PTH2R: variants seen among roughly 807,000 people sequenced by gnomAD.
The protein encoded by PTH2R is parathyroid hormone 2 receptor.
A neutral mutation model predicts 60.3 loss-of-function variants in PTH2R; 59 were observed. The ratio of observed to expected loss-of-function variants is 0.98; its 90% confidence interval spans 0.79 to 1.22. The LOEUF is 1.22. Ranked by LOEUF, PTH2R falls within the 50% of genes most tolerant of loss-of-function variation. The pLI, the probability that PTH2R is intolerant of heterozygous loss-of-function variation, is 0.00. For synonymous variants in PTH2R, 256 were observed against 243.8 expected (o/e 1.05, Z -0.47); for missense variants, 749 against 682.6 (o/e 1.10, Z -1.08).
chr2:208,447,037 G>T (rs1702300347), intron 7 of PTH2R, among the ~76,000 whole-genome samples: 1 of 152,128 alleles, frequency 6.6e-6, no homozygotes, highest in Non-Finnish European at 1.5e-5. Context: ...TTTTCAGCTA[G>T]ATAAATACTC....
chr2:208,492,902 G>A (rs564556619), intron 12 of PTH2R, among the ~76,000 whole-genome samples: 22 of 152,264 alleles, frequency 1.4e-4, no homozygotes, highest in Admixed American at 1.2e-3. Flanking sequence ...TGCCACGCGA[G>A]AGTTCTGAAG....
At chr2:208,426,881 C>G (rs1183278080) in intron 1 of PTH2R, among the ~76,000 whole-genome samples, 1 of 152,136 alleles carries the variant, frequency 6.6e-6, no homozygotes. Flanking sequence ...GACTAAAGAT[C>G]AATTTAACAG....
chr2:208,374,399 T>C (rs1700756141), intron 1 of PTH2R, among the ~76,000 whole-genome samples: 1 of 152,158 alleles, frequency 6.6e-6, no homozygotes, highest in African/African-American at 2.4e-5. Context: ...CAGTCTGCCT[T>C]CTGCTCCTCA....
At chr2:208,478,030 C>A (rs1353052851) in intron 9 of PTH2R, among the ~76,000 whole-genome samples, 1 of 150,314 alleles carries the variant, frequency 6.7e-6, no homozygotes, top group East Asian at 1.9e-4. Context: ...CCAGAAACTT[C>A]CTCTTTGTCT....
intron 2 of PTH2R, among the ~76,000 whole-genome samples, chr2:208,435,966 T>C (rs866946434): frequency 6.6e-6 from 1 of 152,224 alleles, no homozygotes; most frequent in Non-Finnish European, 1.5e-5. Flanking sequence ...GCTGTCTTCT[T>C]GGAAGTTCAG....
intron 1 of PTH2R, among the ~76,000 whole-genome samples, chr2:208,380,452 C>T (rs540591193): frequency 2.0e-5 from 3 of 152,150 alleles, no homozygotes; most frequent in Admixed American, 1.3e-4. Context: ...GAGAAAAATA[C>T]TCCATATTTT....
intron 9 of PTH2R, among the ~76,000 whole-genome samples, chr2:208,480,646 C>A (rs1318386909): frequency 6.6e-6 from 1 of 152,178 alleles, no homozygotes; most frequent in Non-Finnish European, 1.5e-5. Flanking sequence ...CAATACTTTT[C>A]ATACATCATA....
chr2:208,490,366 A>T (rs973124669), intron 11 of PTH2R, among the ~76,000 whole-genome samples: 1 of 152,188 alleles, frequency 6.6e-6, no homozygotes, highest in African/African-American at 2.4e-5. Context: ...GGGTCACAAC[A>T]TAAATGAAAC....
intron 1 of PTH2R, among the ~76,000 whole-genome samples, chr2:208,399,717 A>G (rs748417674): frequency 1.6e-4 from 24 of 152,022 alleles, no homozygotes; most frequent in Non-Finnish European, 3.2e-4. Flanking sequence ...GTTGAATTTA[A>G]TCTGTATCCT....
intron 5 of PTH2R, 44 bp downstream of exon 5, chr2:208,442,505 T>G: frequency 7.0e-7 from 1 of 1,429,424 alleles, no homozygotes; most frequent in Non-Finnish European, 9.9e-7. Flanking sequence ...GCACATTGTC[T>G]TTCCTATCCA....
chr2:208,359,721 G>C (rs1229213372), exon 1 of PTH2R: 2 of 152,726 alleles, frequency 1.3e-5, no homozygotes, highest in African/African-American at 4.8e-5. Context: ...TCCGTGCTCC[G>C]AGGGACCACA....
Position 208,476,674 on chromosome 2 carries a change from A to G in PTH2R, c.982-4396A>G, listed in dbSNP as rs142943930. Reference sequence around the variant, plus strand: ...AAGCCAATACATGGGGTGAGCAGATATGATGTATTTAGAGTGTCTCTGAGG... The same window carrying G: ...AAGCCAATACATGGGGTGAGCAGATGTGATGTATTTAGAGTGTCTCTGAGG... On this transcript the variant is annotated intron_variant, in intron 9 of 12. Coordinates refer to ENST00000272847, the MANE Select transcript of PTH2R (RefSeq NM_005048.4). Among the ~76,000 whole-genome samples, 237 of 152,338 alleles carry G rather than the reference A, an allele frequency of 1.6e-3. 3 individuals carry two copies. Among genetic ancestry groups the G allele is most frequent in the East Asian group, 3.9e-4 (2 of 5,188 alleles).
At chr2:208,365,397 A>T (rs1700559151) in intron 1 of PTH2R, among the ~76,000 whole-genome samples, 1 of 151,390 alleles carries the variant, frequency 6.6e-6, no homozygotes, top group African/African-American at 2.4e-5. Context: ...GTGTGAAAGG[A>T]TATTGAATTT....
intron 1 of PTH2R, among the ~76,000 whole-genome samples, chr2:208,372,879 G>A (rs763568763): frequency 7.8e-4 from 118 of 152,150 alleles, no homozygotes; most frequent in Non-Finnish European, 2.8e-4. Flanking sequence ...GAGCTCAGGA[G>A]TTCAAAACCA....
chr2:208,404,658 CAGAG>C (rs575424377), upstream of PTH2R, among the ~76,000 whole-genome samples: 402 of 152,230 alleles, frequency 2.6e-3, no homozygotes, highest in Non-Finnish European at 4.1e-3. Flanking sequence ...CCTAATTAAA[CAGAG>C]AGAAAGACAC....
intron 1 of PTH2R, among the ~76,000 whole-genome samples, chr2:208,370,403 A>G (rs1700673444): frequency 1.4e-5 from 2 of 138,368 alleles, no homozygotes; most frequent in African/African-American, 5.4e-5. Flanking sequence ...AGATCACACC[A>G]CTGCACCCCA....
Position 208,493,641 on chromosome 2 carries a change from A to G in PTH2R, c.1635A>G (p.Glu545=). ...CAGACACTGAAGGATGCCAAGGAGA[A>G]ACTGAGGATGTTCTCTGAATGGACA... ...SNPDTEGCQG[E]TEDVL Residue 545 remains glutamate, a synonymous_variant, in exon 13 of 13, where the codon GAA becomes GAG. Transcript: ENST00000272847. The G allele has an allele frequency of 6.4e-7, 1 of 1,556,208 alleles. No homozygotes were observed. Among genetic ancestry groups the G allele is most frequent in the Non-Finnish European group, 8.7e-7 (1 of 1,147,810 alleles).
intron 8 of PTH2R, among the ~76,000 whole-genome samples, chr2:208,455,894 TA>T (rs1175164912): frequency 1.3e-5 from 2 of 152,206 alleles, no homozygotes; most frequent in Non-Finnish European, 2.9e-5. Context: ...AAAGATACCT[TA>T]AACTCTATTG....
chr2:208,477,059 A>G (rs1256493533), intron 9 of PTH2R, among the ~76,000 whole-genome samples: 1 of 152,204 alleles, frequency 6.6e-6, no homozygotes, highest in Non-Finnish European at 1.5e-5. Context: ...TTACCTCAGT[A>G]TAAGTAGTGT....
Sources: gnomAD v4.1 joint callset for allele counts (sites outside exome capture counted in the v4.1 genomes callset) on GRCh38, gnomAD v4.1.1 for gene constraint, MANE v1.5 for transcripts, NCBI Gene and HGNC (gene_info 2026-07-23, HGNC 2026-07-21) for gene names.